The following SRGAP3 variants were observed in gnomAD, a reference collection of about 807,000 sequenced individuals.
The protein encoded by SRGAP3 is SLIT-ROBO Rho GTPase activating protein 3.
Under a neutral mutation model 121.1 loss-of-function variants are expected in SRGAP3, and 39 were observed. The ratio of observed to expected loss-of-function variants is 0.32; its 90% CI spans 0.25 to 0.42. The LOEUF (loss-of-function observed/expected upper bound fraction) is 0.42. Among genes scored for constraint, SRGAP3 ranks in the 10% least tolerant of loss-of-function variants. The pLI, the probability that SRGAP3 is intolerant of heterozygous loss-of-function variation, is 1.00. For missense variants in SRGAP3, 1,213 were observed against 1,470.6 expected (o/e 0.82, Z 2.86); for synonymous variants, 601 against 570.0 (o/e 1.05, Z -0.77).
chr3:8,985,368 G>A lies in SRGAP3; in HGVS notation c.*151C>T. 1 of 1,419,310 alleles carries A rather than the reference G, an allele frequency of 7.0e-7. No homozygotes were observed. Among genetic ancestry groups the A allele is most frequent in the South Asian group, 1.5e-5 (1 of 68,512 alleles). 87.9% of individuals were successfully genotyped at this position (1,419,310 alleles called of 1,614,324 possible). On this transcript the variant is annotated 3_prime_UTR_variant, in exon 22 of 22. Coordinates refer to ENST00000383836, the MANE Select transcript of SRGAP3 (RefSeq NM_014850.4). The surrounding 1 kb of genome is among the most constrained non-coding windows in gnomAD (Gnocchi z 5.1). ...TGGCTGGACGTGAGCTGCAGCCAGC[G>A]CCCGGGCCTCAGCTCTGCACAGACA...
At chr3:9,304,115 A>T (rs1385933289) in intron 3 of SRGAP3, among the ~76,000 whole-genome samples, 1 of 152,188 alleles carries the variant, frequency 6.6e-6, no homozygotes, top group Non-Finnish European at 1.5e-5. Context: ...GACCCCATGT[A>T]CGACTTACAG....
intron 4 of SRGAP3, among the ~76,000 whole-genome samples, chr3:9,077,970 C>T (rs986492186): frequency 6.6e-6 from 1 of 152,142 alleles, no homozygotes; most frequent in South Asian, 2.1e-4. Context: ...GACCTGACTC[C>T]CAGGGAGTTT....
At chr3:9,058,684 G>A (rs991799844) in intron 6 of SRGAP3, 14 of 560,600 alleles carry the variant, frequency 2.5e-5, no homozygotes, top group African/African-American at 3.8e-5. Context: ...GCAGAACTAG[G>A]TTCCCTATAT....
intron 3 of SRGAP3, among the ~76,000 whole-genome samples, chr3:9,294,784 CA>C: frequency 6.6e-6 from 1 of 150,914 alleles, no homozygotes; most frequent in Admixed American, 6.6e-5. Context: ...CAGCTCCCCC[CA>C]CCTGTGACAC....
At chr3:9,228,198 G>C (rs1328700392) in intron 1 of SRGAP3, among the ~76,000 whole-genome samples, 1 of 152,128 alleles carries the variant, frequency 6.6e-6, no homozygotes, top group Non-Finnish European at 1.5e-5. Context: ...TCTGGGATAG[G>C]GAGGTGTAGG....
At position 8,981,104 on chromosome 3, in the gene SRGAP3, AG is replaced by A. The variant is rs1487009169; in HGVS notation, c.*4414del. Reference sequence around the variant, plus strand: ...CCCAGAGGGACAGCAGGACACTGGCAGATCAATCTCAGGGAGGTCAGGAGGG... The same window carrying A: ...CCCAGAGGGACAGCAGGACACTGGCAATCAATCTCAGGGAGGTCAGGAGGG... On this transcript the variant is annotated 3_prime_UTR_variant, in exon 22 of 22. Transcript: ENST00000383836. 1 of 233,012 alleles carries A rather than the reference AG, an allele frequency of 4.3e-6. No individual in the cohort carries two copies. The highest frequency in any genetic ancestry group is 8.5e-6 in the Non-Finnish European group (1 of 117,950). The allele number at this position is 233,012 out of a possible 1,614,324, so 14.4% of individuals were successfully genotyped here. A position where few individuals can be genotyped will look rare whatever the true frequency, so the allele number is the denominator to read the frequency against.
Position 9,032,687 on chromosome 3 carries a change from T to C in SRGAP3, c.1502A>G (p.His501Arg). 1 of 1,612,968 alleles carries C rather than the reference T, an allele frequency of 6.2e-7. No individual in the cohort carries two copies. Among genetic ancestry groups the C allele is most frequent in the Non-Finnish European group, 8.5e-7 (1 of 1,179,620 alleles). Residue 501 changes from histidine to arginine, a missense_variant, in exon 12 of 22, where the codon CAT (histidine) becomes CGT (arginine). By Grantham distance (29) the His-to-Arg change is conservative. Around this residue, in one of 2 missense-constraint regions of SRGAP3, gnomAD observed 793 missense variants for 1,032.9 expected, o/e 0.77. Coordinates refer to ENST00000383836, the MANE Select transcript of SRGAP3 (RefSeq NM_014850.4). ...TTCCATACTGCCGTTAAAGAGTTTA[T>C]GGCTATACACTGAGAGAGGCCTAGG... ...RRPRPLSVYS[H>R]KLFNGSMEAF... is the part of the protein sequence containing the mutation.
rs544620662 is a variant in SRGAP3, at chr3:9,355,265, G to C, written n.214+7575C>G. Among the ~76,000 whole-genome samples, 127 of 152,192 alleles carry C rather than the reference G, an allele frequency of 8.3e-4. 1 individual carries two copies. The highest frequency in any genetic ancestry group is 1.2e-3 in the Non-Finnish European group (83 of 68,032). ...ACACCCACCCCTAATATCCTAGTTT[G>C]AGATATCATCATCTCTCACTTGGAC... is the stretch of plus-strand genomic sequence containing the variant. On this transcript the variant is annotated intron_variant and non_coding_transcript_variant, in intron 1 of 3. Transcript: ENST00000490889.
At chr3:9,054,183 T>C (rs1945712387) in intron 8 of SRGAP3, among the ~76,000 whole-genome samples, 1 of 152,154 alleles carries the variant, frequency 6.6e-6, no homozygotes, top group Non-Finnish European at 1.5e-5. Flanking sequence ...TCAGGGGCAT[T>C]CCAAAGTTAA....
chr3:9,127,131 G>A (rs987369304), intron 1 of SRGAP3, among the ~76,000 whole-genome samples: 3 of 151,634 alleles, frequency 2.0e-5, no homozygotes, highest in African/African-American at 7.3e-5. Context: ...AGACCAGCCT[G>A]GGAAACATAG....
At chr3:9,025,171 G>A (rs1035039298) in intron 14 of SRGAP3, 90 bp downstream of exon 14, 51 of 1,398,428 alleles carry the variant, frequency 3.6e-5, no homozygotes, top group Non-Finnish European at 5.0e-5. Flanking sequence ...CTGCAGGCTG[G>A]CTTCTGCACA....
chr3:8,990,968 C>T, intron 20 of SRGAP3, 129 bp from the exon 21 acceptor site: 2 of 761,376 alleles, frequency 2.6e-6, no homozygotes, highest in South Asian at 2.5e-5. Flanking sequence ...AAGCCTCATT[C>T]AGCCAGACCC....
intron 3 of SRGAP3, among the ~76,000 whole-genome samples, chr3:9,099,770 G>A (rs1444775417): frequency 6.6e-6 from 1 of 152,238 alleles, no homozygotes; most frequent in Non-Finnish European, 1.5e-5. Flanking sequence ...CTGTGGGGCT[G>A]GGGCCCAGCA....
intron 1 of SRGAP3, among the ~76,000 whole-genome samples, chr3:9,186,556 C>T (rs1003543976): frequency 3.3e-5 from 5 of 152,164 alleles, no homozygotes; most frequent in Non-Finnish European, 5.9e-5. Context: ...GTTTAATCCT[C>T]ATGTAATTCA....
At chr3:9,182,903 C>G (rs1951470765) in intron 1 of SRGAP3, among the ~76,000 whole-genome samples, 1 of 152,142 alleles carries the variant, frequency 6.6e-6, no homozygotes, top group East Asian at 1.9e-4. Flanking sequence ...AGTGATCCTC[C>G]CACCTCAGCC....
intron 12 of SRGAP3, among the ~76,000 whole-genome samples, chr3:9,031,281 G>C (rs1471977265): frequency 6.6e-6 from 1 of 152,186 alleles, no homozygotes; most frequent in Non-Finnish European, 1.5e-5. Flanking sequence ...TATGGGCAAG[G>C]ATGAAAGAAG....
rs533303267 is a variant in SRGAP3 at position 9,142,334 on chromosome 3, T to G, written c.68-17417A>C. 9.7e-4 allele frequency among the ~76,000 whole-genome samples: 148 copies of G among 152,216 alleles called. 1 individual carries two copies. The highest frequency in any genetic ancestry group is 1.4e-3 in the Non-Finnish European group (97 of 68,020). On this transcript the variant is annotated intron_variant, in intron 1 of 21. Transcript: ENST00000383836. ...AAATCTTGCTCACACATTCACTAAC[T>G]GTAATATTCACACAAGATCAACCAA...
At chr3:9,032,217 A>G (rs977426763) in intron 12 of SRGAP3, among the ~76,000 whole-genome samples, 3 of 152,222 alleles carry the variant, frequency 2.0e-5, no homozygotes, top group Non-Finnish European at 4.4e-5. Flanking sequence ...CACGTGTATA[A>G]AAACACACTG....
chr3:9,089,811 C>T (rs752660446), intron 3 of SRGAP3, among the ~76,000 whole-genome samples: 3 of 152,194 alleles, frequency 2.0e-5, no homozygotes, highest in African/African-American at 7.2e-5. Flanking sequence ...CAGCTCCTTG[C>T]CTTCAGTGAT....
Sources: allele counts gnomAD v4.1 joint callset (sites outside exome capture counted in the v4.1 genomes callset), GRCh38; gene constraint gnomAD v4.1.1; regional missense constraint gnomAD v4.1.1; non-coding constraint Gnocchi (gnomAD v3.1); transcripts MANE v1.5; gene names NCBI Gene and HGNC (gene_info 2026-07-23, HGNC 2026-07-21).